Variants in ERAP1 observed in about 807,000 individuals in gnomAD.
ERAP1 encodes endoplasmic reticulum aminopeptidase 1.
In ERAP1, 86 loss-of-function variants were observed where a neutral mutation model predicts 103.7. The ratio of observed to expected loss-of-function variants is 0.83; its 90% CI spans 0.70 to 0.99. The LOEUF (loss-of-function observed/expected upper bound fraction) is 0.99. Among genes scored for constraint, ERAP1 ranks in the 50% least tolerant of loss-of-function variants. The pLI is 0.00. For missense variants in ERAP1, 1,009 were observed against 1,128.4 expected (o/e 0.89, Z 1.52); for synonymous variants, 398 against 402.4 (o/e 0.99, Z 0.13).
the ERAP1 span, chr5:96,884,074 CT>C: frequency 1.4e-5 from 8 of 572,060 alleles, no homozygotes; most frequent in East Asian, 1.3e-4. Flanking sequence ...ATCTATCTAT[CT>C]ATCTATCATC....
the ERAP1 span, among the ~76,000 whole-genome samples, chr5:96,826,678 A>G: frequency 3.9e-5 from 6 of 152,134 alleles, no homozygotes; most frequent in Non-Finnish European, 8.8e-5. Flanking sequence ...CGACTTCCTA[A>G]CCATGTTACT....
chr5:96,782,990 T>C (rs1018645583), intron 15 of ERAP1, 61 bp downstream of exon 15: 1 of 1,549,182 alleles, frequency 6.5e-7, no homozygotes, highest in South Asian at 1.1e-5. Context: ...TTAGTACCAA[T>C]GATGGAAAAC....
chr5:96,887,189 T>C, the ERAP1 span, among the ~76,000 whole-genome samples: 3 of 151,246 alleles, frequency 2.0e-5, no homozygotes, highest in African/African-American at 7.3e-5. Flanking sequence ...TATCAAAATA[T>C]GCCATAAAAG....
upstream of ERAP1, chr5:96,807,947 G>A: frequency 1.0e-6 from 1 of 985,774 alleles, no homozygotes; most frequent in Non-Finnish European, 1.2e-6. Context: ...AGTGAAAGTG[G>A]AGCCCGGGGA....
chr5:96,886,560 T>C, the ERAP1 span: 1 of 1,106,358 alleles, frequency 9.0e-7, no homozygotes, highest in Non-Finnish European at 1.2e-6. Flanking sequence ...CTTCAGAGTA[T>C]GAGGCTTGCC....
the ERAP1 span, among the ~76,000 whole-genome samples, chr5:96,842,337 C>A: frequency 6.6e-6 from 1 of 152,138 alleles, no homozygotes; most frequent in Non-Finnish European, 1.5e-5. Flanking sequence ...GGTTGATCTA[C>A]TTTTAGTTCT....
intron 6 of ERAP1, 140 bp from the exon 7 acceptor site, chr5:96,793,653 C>G: frequency 1.4e-5 from 15 of 1,046,054 alleles, no homozygotes; most frequent in Non-Finnish European, 2.1e-5. Context: ...GTTCAACATG[C>G]ATTATAAGAC....
chr5:96,911,540 A>G, the ERAP1 span, among the ~76,000 whole-genome samples: 1 of 152,116 alleles, frequency 6.6e-6, no homozygotes, highest in South Asian at 2.1e-4. Flanking sequence ...GTACCAAATT[A>G]AGACTCTCTA....
At chr5:96,784,198 T>G (rs1325785698) in intron 13 of ERAP1, 118 bp from the exon 14 acceptor site, 1 of 1,127,998 alleles carries the variant, frequency 8.9e-7, no homozygotes. Context: ...ATGTCCCTTA[T>G]AAATAGATAA....
chr5:96,762,108 GAAGA>G (rs1194527709), exon 20 of ERAP1: 20 of 449,604 alleles, frequency 4.4e-5, no homozygotes, highest in East Asian at 2.7e-4. Context: ...ATACAATAGA[GAAGA>G]AAGAATTTAA....
At chr5:96,781,999 T>C in intron 15 of ERAP1, 145 bp from the exon 16 acceptor site, 1 of 774,512 alleles carries the variant, frequency 1.3e-6, no homozygotes, top group Non-Finnish European at 2.1e-6. Flanking sequence ...CTGATTTCCT[T>C]CAGTTACAAT....
chr5:96,926,165 C>G, the ERAP1 span, among the ~76,000 whole-genome samples: 20 of 152,258 alleles, frequency 1.3e-4, no homozygotes, highest in African/African-American at 4.8e-4. Context: ...CCACCTGGGC[C>G]TCCCAAAGTG....
At chr5:96,930,943 T>G in the ERAP1 span, among the ~76,000 whole-genome samples, 1 of 152,184 alleles carries the variant, frequency 6.6e-6, no homozygotes. Flanking sequence ...TTAGGCAAAG[T>G]GCGGGAATTG....
At chr5:96,795,307 A>G in intron 4 of ERAP1, 145 bp from the exon 5 acceptor site, 1 of 1,052,614 alleles carries the variant, frequency 9.5e-7, no homozygotes. Flanking sequence ...CATTTCTTGC[A>G]TTAATACTGA....
At chr5:96,777,466 G>A (rs563825885) in intron 18 of ERAP1, among the ~76,000 whole-genome samples, 3 of 152,284 alleles carry the variant, frequency 2.0e-5, no homozygotes, top group East Asian at 3.9e-4. Flanking sequence ...GAGGGGAGTA[G>A]GAATGGGTTT....
chr5:96,912,074 C>T, the ERAP1 span, among the ~76,000 whole-genome samples: 5 of 149,792 alleles, frequency 3.3e-5, no homozygotes, highest in Non-Finnish European at 7.4e-5. Flanking sequence ...CCTGTAGTCC[C>T]AGCTACTCGG....
rs1581637875 is a variant in ERAP1 at position 96,803,700 on chromosome 5, A to G, written c.227T>C (p.Phe76Ser). 1.2e-6 allele frequency: 2 copies of G among 1,614,076 alleles called. No homozygotes were observed. Among genetic ancestry groups the G allele is most frequent in the African/African-American group, 2.7e-5 (2 of 74,932 alleles). Reference sequence around the variant, plus strand: ...GATTTCTACTTTCGTGGTTCCCCAGAAGGTCAGCGTGGTAAGGTTTGCATG... The same window carrying G: ...GATTTCTACTTTCGTGGTTCCCCAGGAGGTCAGCGTGGTAAGGTTTGCATG... ...LIHANLTTLT[F>S]WGTTKVEITA... The change falls in exon 2 of 19, where the codon TTC becomes TCC. Residue 76 changes from phenylalanine (F) to serine (S), a missense_variant. Transcript: ENST00000443439.
chr5:96,874,855 G>A, the ERAP1 span, among the ~76,000 whole-genome samples: 4 of 152,236 alleles, frequency 2.6e-5, no homozygotes, highest in East Asian at 7.7e-4. Flanking sequence ...TCTATGAAGA[G>A]TGTCTGCAAC....
chr5:96,895,401 AATC>A, the ERAP1 span: 5 of 1,292,782 alleles, frequency 3.9e-6, no homozygotes, highest in Non-Finnish European at 5.5e-6. Flanking sequence ...TGGTGTAAAG[AATC>A]ATCAATTCAC....
Sources: gnomAD v4.1 joint callset for allele counts (sites outside exome capture counted in the v4.1 genomes callset) on GRCh38, gnomAD v4.1.1 for gene constraint, MANE v1.5 for transcripts, NCBI Gene and HGNC (gene_info 2026-07-23, HGNC 2026-07-21) for gene names.